The following ESRRG variants were observed in gnomAD, a reference collection of about 807,000 sequenced individuals.
ESRRG encodes estrogen related receptor gamma.
ESRRG carries 13 observed loss-of-function variants against 44.0 expected under a neutral mutation model. The ratio of observed to expected loss-of-function variants is 0.30; its 90% CI spans 0.19 to 0.47. ESRRG has a LOEUF of 0.47. ESRRG is among the 20% of genes least tolerant of loss of function. ESRRG has a pLI of 1.00. For synonymous variants in ESRRG, 215 were observed against 214.6 expected, an observed-to-expected ratio of 1.00 and a Z score of -0.02; for missense variants, 395 against 580.6, an observed-to-expected ratio of 0.68 and a Z score of 3.29.
intron 1 of ESRRG, among the ~76,000 whole-genome samples, chr1:217,015,584 G>A (rs931138921): frequency 6.6e-6 from 1 of 151,922 alleles, no homozygotes; most frequent in Non-Finnish European, 1.5e-5. Context: ...CTAAAATTGT[G>A]TACTCAATCA....
At chr1:217,026,531 C>A (rs1221657252) in intron 1 of ESRRG, among the ~76,000 whole-genome samples, 1 of 152,074 alleles carries the variant, frequency 6.6e-6, no homozygotes, top group African/African-American at 2.4e-5. Flanking sequence ...TTAAATAGCA[C>A]CTAGGTCCTG....
intron 1 of ESRRG, among the ~76,000 whole-genome samples, chr1:216,705,311 T>G (rs1429739062): frequency 6.6e-6 from 1 of 152,008 alleles, no homozygotes; most frequent in Non-Finnish European, 1.5e-5. Flanking sequence ...ACGAATATAA[T>G]TGACATAGAA....
rs775010762 is a variant in ESRRG, at chr1:216,506,665, AAAT to A, written c.*271_*273del. On this transcript the variant is annotated 3_prime_UTR_variant, in exon 7 of 7. Coordinates refer to ENST00000408911, the MANE Select transcript of ESRRG (RefSeq NM_001438.4). ...GGAACTAGGAATGAAAGAAGCAAAG[AAAT>A]AAGGGAGGTGAAAGAAGAAAAGGAG... 25 of 542,434 alleles carry A rather than the reference AAAT, an allele frequency of 4.6e-5. No homozygotes were observed. The highest frequency in any genetic ancestry group is 4.1e-4 in the South Asian group (25 of 61,336). 33.6% of individuals were successfully genotyped at this position (542,434 alleles called of 1,614,324 possible).
At chr1:216,836,879 C>T (rs773310130) in intron 2 of ESRRG, among the ~76,000 whole-genome samples, 1 of 151,968 alleles carries the variant, frequency 6.6e-6, no homozygotes, top group Non-Finnish European at 1.5e-5. Flanking sequence ...AAAAGAGGGG[C>T]AAAGCAGAGA....
chr1:216,525,303 T>C (rs1270175275), intron 5 of ESRRG, among the ~76,000 whole-genome samples: 4 of 152,104 alleles, frequency 2.6e-5, no homozygotes, highest in Non-Finnish European at 5.9e-5. Flanking sequence ...GTAAAGACCA[T>C]CTACACGGAG....
At chr1:216,652,873 C>T (rs969527959) in intron 2 of ESRRG, among the ~76,000 whole-genome samples, 1 of 152,068 alleles carries the variant, frequency 6.6e-6, no homozygotes, top group Non-Finnish European at 1.5e-5. Flanking sequence ...CTACTAGATC[C>T]TTCCACCCTG....
At chr1:216,999,352 C>T (rs980872912) in intron 1 of ESRRG, among the ~76,000 whole-genome samples, 49 of 152,118 alleles carry the variant, frequency 3.2e-4, no homozygotes, top group African/African-American at 1.2e-3. Context: ...ATCAAAAGAG[C>T]CACTCTTTAT....
intron 2 of ESRRG, among the ~76,000 whole-genome samples, chr1:216,859,896 C>A (rs2096018601): frequency 6.6e-6 from 1 of 152,132 alleles, no homozygotes; most frequent in Non-Finnish European, 1.5e-5. Context: ...AAGAAGCAGG[C>A]ACATATCATC....
intron 2 of ESRRG, among the ~76,000 whole-genome samples, chr1:216,733,481 A>G (rs1015331392): frequency 2.6e-5 from 4 of 152,164 alleles, no homozygotes; most frequent in East Asian, 3.8e-4. Flanking sequence ...AATCTATTCA[A>G]TTATTCAATC....
chr1:216,797,983 C>T (rs900936711), intron 2 of ESRRG, among the ~76,000 whole-genome samples: 4 of 151,986 alleles, frequency 2.6e-5, no homozygotes, highest in African/African-American at 9.7e-5. Context: ...CCTCTTTTGT[C>T]CTTCCTCCTC....
chr1:217,062,605 G>A (rs2088790717), intron 1 of ESRRG, among the ~76,000 whole-genome samples: 1 of 152,164 alleles, frequency 6.6e-6, no homozygotes, highest in Admixed American at 6.5e-5. Context: ...ACATCTGGCA[G>A]AGAAAAATCT....
At chr1:216,585,663 A>G (rs2063623114) in intron 3 of ESRRG, among the ~76,000 whole-genome samples, 1 of 152,246 alleles carries the variant, frequency 6.6e-6, no homozygotes, top group Non-Finnish European at 1.5e-5. Flanking sequence ...ATTCTATTGA[A>G]TAAGGCAACA....
intron 2 of ESRRG, among the ~76,000 whole-genome samples, chr1:216,728,795 TAA>T (rs879747992): frequency 1.4e-5 from 2 of 141,586 alleles, no homozygotes. Flanking sequence ...AAAGGACTAG[TAA>T]AAAAAAAAAA....
chr1:217,036,857 T>C (rs947149398), intron 1 of ESRRG, among the ~76,000 whole-genome samples: 4 of 150,252 alleles, frequency 2.7e-5, no homozygotes, highest in South Asian at 4.3e-4. Context: ...AAAAAGAGTA[T>C]AGGCGATGGA....
At chr1:216,773,069 G>A (rs761302690) in intron 2 of ESRRG, among the ~76,000 whole-genome samples, 15 of 151,926 alleles carry the variant, frequency 9.9e-5, no homozygotes, top group Non-Finnish European at 1.9e-4. Context: ...CTGACCATTC[G>A]GGTAGGCAGA....
chr1:217,028,512 G>A (rs1197635964), intron 1 of ESRRG, among the ~76,000 whole-genome samples: 1 of 152,306 alleles, frequency 6.6e-6, no homozygotes, highest in Non-Finnish European at 1.5e-5. Flanking sequence ...CAAAATTGCA[G>A]AGCCCCTAGT....
At chr1:217,123,582 A>C (rs1449041590) in intron 1 of ESRRG, among the ~76,000 whole-genome samples, 2 of 152,294 alleles carry the variant, frequency 1.3e-5, no homozygotes, top group South Asian at 4.1e-4. Flanking sequence ...CATAAAAAAG[A>C]ATGAGATCAT....
chr1:216,839,308 A>G (rs2095614741), intron 2 of ESRRG, among the ~76,000 whole-genome samples: 1 of 152,110 alleles, frequency 6.6e-6, no homozygotes, highest in African/African-American at 2.4e-5. Context: ...TCCACTTCTA[A>G]TTCTAGTTCT....
chr1:216,903,964 G>A (rs1258920275), intron 2 of ESRRG, among the ~76,000 whole-genome samples: 2 of 152,126 alleles, frequency 1.3e-5, no homozygotes. Flanking sequence ...GATTCAAAGA[G>A]CCTGGGTTCC....
Sources: allele counts gnomAD v4.1 joint callset (sites outside exome capture counted in the v4.1 genomes callset), GRCh38; gene constraint gnomAD v4.1.1; transcripts MANE v1.5; gene names NCBI Gene and HGNC (gene_info 2026-07-23, HGNC 2026-07-21).